BRAP: variants seen among roughly 807,000 people sequenced by gnomAD.
The protein encoded by BRAP is BRCA1-associated protein.
In BRAP, 42 loss-of-function variants were observed where a neutral mutation model predicts 73.4. That is an observed-to-expected ratio of 0.57 (90% confidence interval 0.45 to 0.74). The LOEUF (loss-of-function observed/expected upper bound fraction) is 0.74. Ranked by LOEUF, BRAP falls within the 30% of genes least tolerant of loss-of-function variation. The probability of loss-of-function intolerance (pLI) is 0.00; values close to 1 mark genes in which losing one functional copy is unlikely to be tolerated. For missense variants in BRAP, 593 were observed against 751.4 expected, an observed-to-expected ratio of 0.79 and a Z score of 2.46; for synonymous variants, 255 against 267.4, an observed-to-expected ratio of 0.95 and a Z score of 0.45.
chr12:111,672,449 A>G (rs1308882645), intron 5 of BRAP, among the ~76,000 whole-genome samples: 1 of 152,120 alleles, frequency 6.6e-6, no homozygotes, highest in Non-Finnish European at 1.5e-5. Context: ...TGTCATCACT[A>G]TCTAATTCTA....
intron 7 of BRAP, 120 bp downstream of exon 7, chr12:111,660,480 C>T (rs1241594612): frequency 2.3e-6 from 2 of 851,480 alleles, no homozygotes; most frequent in Non-Finnish European, 3.2e-6. Flanking sequence ...TAAGCCCTGT[C>T]TCTTAAAATA....
At chr12:111,681,583 C>CGA in intron 3 of BRAP, 54 bp downstream of exon 3, 2 of 1,116,128 alleles carry the variant, frequency 1.8e-6, no homozygotes, top group East Asian at 2.8e-5. Context: ...TAAAGCAAAG[C>CGA]AAAAAAAAAA....
chr12:111,656,787 G>A (rs1435367878), intron 9 of BRAP, among the ~76,000 whole-genome samples: 1 of 151,870 alleles, frequency 6.6e-6, no homozygotes, highest in Middle Eastern at 3.2e-3. Flanking sequence ...AGGTTGGAAT[G>A]CAGTGGTGCA....
chr12:111,678,742 T>C (rs1474176314), intron 4 of BRAP, among the ~76,000 whole-genome samples: 1 of 142,654 alleles, frequency 7.0e-6, no homozygotes, highest in Non-Finnish European at 1.5e-5. Flanking sequence ...CAGGCTGGAG[T>C]GCAGTGGTGT....
intron 10 of BRAP, among the ~76,000 whole-genome samples, chr12:111,653,004 C>T (rs1286997226): frequency 2.6e-5 from 4 of 152,122 alleles, no homozygotes; most frequent in African/African-American, 9.7e-5. Flanking sequence ...TCCACTGTGC[C>T]CGGCCAACCC....
chr12:111,651,662 G>C (rs1360398962), intron 10 of BRAP, among the ~76,000 whole-genome samples: 12 of 123,934 alleles, frequency 9.7e-5, no homozygotes, highest in Non-Finnish European at 1.9e-4. Flanking sequence ...TTTTGAGACA[G>C]AGTCTTGTTC....
intron 9 of BRAP, 29 bp downstream of exon 9, chr12:111,658,707 A>G (rs1389260330): frequency 3.6e-6 from 5 of 1,396,290 alleles, no homozygotes; most frequent in Non-Finnish European, 5.0e-6. Flanking sequence ...GTAGAAACAG[A>G]TAGAGTGATA....
chr12:111,654,094 C>T (rs937321740), intron 10 of BRAP, among the ~76,000 whole-genome samples: 3 of 152,182 alleles, frequency 2.0e-5, no homozygotes, highest in African/African-American at 4.8e-5. Context: ...GCTGCCAATG[C>T]ACTTCCCGTG....
At chr12:111,674,978 C>A (rs143785879) in intron 4 of BRAP, among the ~76,000 whole-genome samples, 2 of 152,300 alleles carry the variant, frequency 1.3e-5, no homozygotes, top group Non-Finnish European at 2.9e-5. Flanking sequence ...AACGACCAGC[C>A]TCCTCTACAG....
chr12:111,668,030 A>G (rs1887024521), intron 5 of BRAP, among the ~76,000 whole-genome samples: 1 of 152,146 alleles, frequency 6.6e-6, no homozygotes, highest in Non-Finnish European at 1.5e-5. Flanking sequence ...AACGTGGTGA[A>G]ACCCCATCTC....
chr12:111,644,274 C>T lies in BRAP; in HGVS notation c.1704G>A (p.Ser568=), dbSNP rs759890176. Residue 568 remains serine (S), a synonymous_variant, in exon 12 of 12, where the codon TCG becomes TCA. Transcript: ENST00000419234. ...CCCCCGAAGAGGCAGGGCTCGAGGC[C>T]GAGGCCATGGCGATGTTGATCTGTC... ...QEGQINIAMA[S]ASSPASSGGS... 5.6e-6 allele frequency: 9 copies of T among 1,614,004 alleles called. No individual in the cohort carries two copies. Among genetic ancestry groups the T allele is most frequent in the South Asian group, 3.3e-5 (3 of 91,080 alleles).
intron 6 of BRAP, among the ~76,000 whole-genome samples, chr12:111,664,470 C>G (rs556622796): frequency 2.0e-5 from 3 of 152,196 alleles, no homozygotes; most frequent in Non-Finnish European, 4.4e-5. Context: ...GGCAACTGGA[C>G]AATTCCTTGG....
intron 3 of BRAP, among the ~76,000 whole-genome samples, chr12:111,680,101 C>T (rs901619009): frequency 3.3e-5 from 5 of 151,118 alleles, no homozygotes; most frequent in South Asian, 4.2e-4. Flanking sequence ...GGATTACAGA[C>T]GCGTGCCACC....
intron 5 of BRAP, among the ~76,000 whole-genome samples, chr12:111,668,928 C>G (rs1337408829): frequency 6.6e-6 from 1 of 152,264 alleles, no homozygotes; most frequent in East Asian, 1.9e-4. Flanking sequence ...GCTGGGATTA[C>G]AGGCGTGAGC....
At chr12:111,653,346 G>C (rs1886397092) in intron 10 of BRAP, among the ~76,000 whole-genome samples, 1 of 152,162 alleles carries the variant, frequency 6.6e-6, no homozygotes, top group Non-Finnish European at 1.5e-5. Flanking sequence ...AAAAATGCTA[G>C]TTGTGGTCCA....
rs1214888531 is a variant in BRAP, at chr12:111,672,404, C to A, written c.747+257G>T. On this transcript the variant is annotated intron_variant, in intron 5 of 11. Transcript: ENST00000419234. The stretch of plus-strand genomic sequence containing the variant: ...ATTCTCTATTTTAAAGTATACAGTT[C>A]ATTGGCTTGTAGTATATTCACAAGG... Among the ~76,000 whole-genome samples the A allele has an allele frequency of 2.6e-5, 4 of 151,876 alleles. No individual in the cohort carries two copies. In the East Asian group the frequency reaches 7.7e-4, roughly 29 times the overall value.
chr12:111,672,196 C>T (rs565831844), intron 5 of BRAP, among the ~76,000 whole-genome samples: 1 of 152,214 alleles, frequency 6.6e-6, no homozygotes, highest in South Asian at 2.1e-4. Flanking sequence ...CACAGCGAGA[C>T]CCTGTCTCAA....
chr12:111,670,211 T>G (rs764291490), intron 5 of BRAP: 29 of 607,726 alleles, frequency 4.8e-5, no homozygotes, highest in Admixed American at 1.9e-4. Context: ...GTCTGCAGCT[T>G]CTTCTTCATC....
chr12:111,648,620 C>T (rs556686084), intron 11 of BRAP, among the ~76,000 whole-genome samples: 6 of 143,946 alleles, frequency 4.2e-5, no homozygotes, highest in Non-Finnish European at 9.0e-5. Context: ...GGCGACAGAG[C>T]AAGACTCTGT....
Sources: allele counts gnomAD v4.1 joint callset (sites outside exome capture counted in the v4.1 genomes callset), GRCh38; gene constraint gnomAD v4.1.1; transcripts MANE v1.5; gene names NCBI Gene and HGNC (gene_info 2026-07-23, HGNC 2026-07-21).